Variants in SCARA5 observed in about 807,000 individuals in gnomAD.
The protein encoded by SCARA5 is scavenger receptor class A member 5.
SCARA5 carries 45 observed loss-of-function variants against 46.3 expected under a neutral mutation model. The observed-to-expected ratio is 0.97, with a 90% confidence interval of 0.76 to 1.24. The LOEUF is 1.24. SCARA5 is among the 50% of genes most tolerant of loss of function. SCARA5 has a pLI of 0.00. For missense variants in SCARA5, 680 were observed against 689.0 expected (o/e 0.99, Z 0.15); for synonymous variants, 333 against 306.5 (o/e 1.09, Z -0.90).
intron 6 of SCARA5, among the ~76,000 whole-genome samples, chr8:27,906,357 A>G (rs768464541): frequency 1.1e-4 from 16 of 152,272 alleles, no homozygotes; most frequent in Middle Eastern, 3.2e-3. Flanking sequence ...CCCCTAACGT[A>G]AACAAGGGGA....
intron 2 of SCARA5, among the ~76,000 whole-genome samples, chr8:27,968,965 C>T (rs895196697): frequency 6.6e-6 from 1 of 152,150 alleles, no homozygotes; most frequent in African/African-American, 2.4e-5. Flanking sequence ...GAGTTTAGTT[C>T]TTTGAGCAAG....
chr8:27,872,195 T>G, intron 8 of SCARA5, 125 bp from the exon 9 acceptor site: 2 of 948,182 alleles, frequency 2.1e-6, no homozygotes, highest in Non-Finnish European at 3.2e-6. Context: ...GGCTTCCAGC[T>G]GCCCTCTCCA....
At chr8:27,955,575 G>A (rs541772028) in intron 3 of SCARA5, among the ~76,000 whole-genome samples, 125 of 152,276 alleles carry the variant, frequency 8.2e-4, no homozygotes, top group African/African-American at 2.4e-3. Context: ...AGGTCCCAGC[G>A]AGGGGCCAGT....
At chr8:27,927,464 A>G (rs1172272101) in intron 3 of SCARA5, among the ~76,000 whole-genome samples, 1 of 152,192 alleles carries the variant, frequency 6.6e-6, no homozygotes, top group Non-Finnish European at 1.5e-5. Flanking sequence ...GTTCATATGC[A>G]TATTCAATCT....
chr8:27,938,441 C>T (rs750172334), intron 3 of SCARA5, among the ~76,000 whole-genome samples: 1 of 152,136 alleles, frequency 6.6e-6, no homozygotes, highest in Non-Finnish European at 1.5e-5. Context: ...AAGGGGCCCT[C>T]AAAGACTCAC....
intron 4 of SCARA5, among the ~76,000 whole-genome samples, chr8:27,919,229 GGAGGAAGA>G (rs1807541840): frequency 1.8e-5 from 2 of 109,376 alleles, no homozygotes; most frequent in East Asian, 2.8e-4. Flanking sequence ...AGAAGGAGGA[GGAGGAAGA>G]GACGGAGGAG....
At chr8:27,887,732 T>G (rs1282624114) in intron 7 of SCARA5, among the ~76,000 whole-genome samples, 1 of 152,068 alleles carries the variant, frequency 6.6e-6, no homozygotes, top group South Asian at 2.1e-4. Context: ...AAGCCCGAGA[T>G]GGAGCAGGGA....
intron 2 of SCARA5, among the ~76,000 whole-genome samples, chr8:27,974,684 A>C (rs1041687015): frequency 3.3e-5 from 4 of 121,018 alleles, no homozygotes; most frequent in Non-Finnish European, 7.1e-5. Context: ...TCACTGTAAC[A>C]GGCAGCCACA....
chr8:27,962,229 T>G (rs1808304349), intron 3 of SCARA5, among the ~76,000 whole-genome samples: 1 of 152,154 alleles, frequency 6.6e-6, no homozygotes, highest in African/African-American at 2.4e-5. Flanking sequence ...AATTCACATA[T>G]CCTCATACAA....
chr8:27,943,912 T>C (rs1203643548), intron 3 of SCARA5, among the ~76,000 whole-genome samples: 1 of 152,194 alleles, frequency 6.6e-6, no homozygotes, highest in African/African-American at 2.4e-5. Context: ...AAAAGATAGC[T>C]TTACAGTAGA....
intron 7 of SCARA5, among the ~76,000 whole-genome samples, chr8:27,885,120 A>C (rs1487026973): frequency 6.6e-6 from 1 of 151,398 alleles, no homozygotes; most frequent in Admixed American, 6.6e-5. Flanking sequence ...ACCATCTTGG[A>C]CAGGTGGACA....
chr8:27,988,765 C>CT (rs2129990164), intron 1 of SCARA5, among the ~76,000 whole-genome samples: 1 of 152,310 alleles, frequency 6.6e-6, no homozygotes, highest in Admixed American at 6.5e-5. Context: ...ATGAGTTTAT[C>CT]TTGACCTTTG....
At chr8:27,955,097 C>T (rs1808186437) in intron 3 of SCARA5, among the ~76,000 whole-genome samples, 2 of 152,194 alleles carry the variant, frequency 1.3e-5, no homozygotes, top group African/African-American at 4.8e-5. Context: ...CTTCTGACAC[C>T]ATTGTCACTG....
At chr8:27,980,491 T>C (rs1214929347) in intron 2 of SCARA5, among the ~76,000 whole-genome samples, 1 of 152,088 alleles carries the variant, frequency 6.6e-6, no homozygotes, top group Non-Finnish European at 1.5e-5. Context: ...CCTAGAGTAA[T>C]GCCACACAGG....
At chr8:27,962,231 CT>C (rs1187305466) in intron 3 of SCARA5, among the ~76,000 whole-genome samples, 1 of 152,136 alleles carries the variant, frequency 6.6e-6, no homozygotes, top group Non-Finnish European at 1.5e-5. Context: ...TTCACATATC[CT>C]CATACAAGGG....
intron 7 of SCARA5, among the ~76,000 whole-genome samples, chr8:27,881,854 AC>A (rs1391382062): frequency 5.3e-5 from 8 of 152,142 alleles, no homozygotes; most frequent in African/African-American, 1.4e-4. Flanking sequence ...CACTCAATGA[AC>A]CTACACTGAT....
intron 3 of SCARA5, among the ~76,000 whole-genome samples, chr8:27,954,579 C>G (rs540135268): frequency 6.4e-4 from 97 of 152,260 alleles, no homozygotes; most frequent in Admixed American, 2.1e-3. Context: ...TGTTAACTGT[C>G]TTTTAAACAA....
intron 7 of SCARA5, among the ~76,000 whole-genome samples, chr8:27,902,982 TC>T (rs1807183814): frequency 6.6e-6 from 1 of 152,194 alleles, no homozygotes; most frequent in African/African-American, 2.4e-5. Context: ...TACGGGCAAG[TC>T]CATCACTTTC....
At chr8:27,898,386 C>T (rs138493922) in intron 7 of SCARA5, among the ~76,000 whole-genome samples, 45 of 152,212 alleles carry the variant, frequency 3.0e-4, no homozygotes, top group African/African-American at 8.4e-4. Flanking sequence ...TGCACAGAAC[C>T]GGGGAAAAAA....
Sources: gnomAD v4.1 joint callset for allele counts (sites outside exome capture counted in the v4.1 genomes callset) on GRCh38, gnomAD v4.1.1 for gene constraint, MANE v1.5 for transcripts, NCBI Gene and HGNC (gene_info 2026-07-23, HGNC 2026-07-21) for gene names.